SELENOV: variants seen among roughly 807,000 people sequenced by gnomAD.
The protein encoded by SELENOV is selenoprotein V.
Under a neutral mutation model 21.6 loss-of-function variants are expected in SELENOV, and 25 were observed. The observed-to-expected ratio is 1.16, with a 90% CI of 0.84 to 1.62. SELENOV has a LOEUF of 1.62. Ranked by LOEUF, SELENOV falls within the 40% of genes most tolerant of loss-of-function variation. SELENOV has a pLI of 0.00. For synonymous variants in SELENOV, 227 were observed against 216.9 expected (o/e 1.05, Z -0.41); for missense variants, 472 against 459.0 (o/e 1.03, Z -0.26).
At chr19:39,516,205 A>T (rs759704978) in intron 1 of SELENOV, 184 bp downstream of exon 1, 4 of 706,812 alleles carry the variant, frequency 5.7e-6, no homozygotes, top group Non-Finnish European at 1.0e-5. Context: ...GGGGCAGGAG[A>T]GCTTCAGGTT....
At chr19:39,519,212 G>T in intron 5 of SELENOV, 42 bp downstream of exon 5, 1 of 1,406,744 alleles carries the variant, frequency 7.1e-7, no homozygotes, top group Non-Finnish European at 1.0e-6. Flanking sequence ...AGGGGTGGAG[G>T]CCGGGTAGGA....
chr19:39,517,914 G>A (rs1395748471), intron 1 of SELENOV, among the ~76,000 whole-genome samples: 3 of 133,734 alleles, frequency 2.2e-5, no homozygotes, highest in African/African-American at 5.6e-5. Flanking sequence ...GCAGTGAGCC[G>A]AGATCGCACC....
intron 3 of SELENOV, 41 bp from the exon 4 acceptor site, chr19:39,518,862 G>C: frequency 6.2e-7 from 1 of 1,613,090 alleles, no homozygotes; most frequent in Non-Finnish European, 8.5e-7. Context: ...GGGCTTGGAG[G>C]AGAGAGCTTA....
In SELENOV at chr19:39,516,856, C is replaced by G. The variant is rs35805625; in HGVS notation, c.809+835C>G. 1.9e-3 allele frequency among the ~76,000 whole-genome samples: 286 copies of G among 148,224 alleles called. 1 individual carries two copies. The highest frequency in any genetic ancestry group is 3.1e-3 in the Non-Finnish European group (203 of 66,348). ...AACCACAGGCATGTGCCACCACGCC[C>G]GGCTAATTTTGTATTTTTTTTTAGT... On this transcript the variant is annotated intron_variant, in intron 1 of 5. Transcript: ENST00000335426.
At chr19:39,519,038 G>A (rs2079714874) in intron 4 of SELENOV, 33 bp from the exon 5 acceptor site, 10 of 1,613,248 alleles carry the variant, frequency 6.2e-6, no homozygotes, top group Non-Finnish European at 8.5e-6. Context: ...CTGGGGGTGG[G>A]AGACCTGTGT....
At position 39,515,412 on chromosome 19, in the gene SELENOV, C is replaced by T. The variant is rs1299985102; in HGVS notation, c.200C>T (p.Ala67Val). The T allele has an allele frequency of 1.9e-6, 3 of 1,551,608 alleles. No homozygotes were observed. Among genetic ancestry groups the T allele is most frequent in the Non-Finnish European group, 2.6e-6 (3 of 1,146,940 alleles). ...CCTCTGGTCCTGACTCCTGCTCCAGCCCAGATTCCCACTCTGGTCCCCACT... is the reference window on the plus strand; with the variant it reads ...CCTCTGGTCCTGACTCCTGCTCCAGTCCAGATTCCCACTCTGGTCCCCACT... The change falls in exon 1 of 6, where the codon GCC becomes GTC. Residue 67 changes from alanine (A) to valine (V), a missense_variant. Ala to Val is a moderately conservative substitution (Grantham distance 64, BLOSUM62 0). Coordinates refer to ENST00000335426, the Ensembl canonical transcript of SELENOV. The surrounding 1 kb of genome is among the most constrained non-coding windows in gnomAD (Gnocchi z 5.1).
exon 4 of SELENOV, chr19:39,518,961 T>A: frequency 6.2e-7 from 1 of 1,613,760 alleles, no homozygotes; most frequent in Non-Finnish European, 8.5e-7. Flanking sequence ...AACGGGAGAC[T>A]GGTCCATTCC....
intron 1 of SELENOV, among the ~76,000 whole-genome samples, chr19:39,517,559 G>A (rs1345610692): frequency 6.6e-6 from 1 of 152,166 alleles, no homozygotes; most frequent in Non-Finnish European, 1.5e-5. Context: ...GGGGGTATAT[G>A]AGCGAAGCCC....
intron 1 of SELENOV, among the ~76,000 whole-genome samples, chr19:39,518,278 CAAAAAAACAAAAAAACA>C (rs1203759436): frequency 2.1e-5 from 1 of 47,078 alleles, no homozygotes; most frequent in East Asian, 5.0e-4. Flanking sequence ...CTCAAAAAAA[CAAAAAAACAAAAAAACA>C]AAAAAAAAAG....
rs1316302890 is a variant in SELENOV at position 39,518,599 on chromosome 19, G to T, written c.810-9G>T. The T allele has an allele frequency of 9.4e-6, 15 of 1,598,308 alleles. No individual in the cohort carries two copies. Among genetic ancestry groups the T allele is most frequent in the Non-Finnish European group, 1.3e-5 (15 of 1,171,416 alleles). Reference sequence around the variant, plus strand: ...CTCTTAACTTTCTCCTCCTGCTCTTGGCCTCCAGTGGCCTCTGAAGCTATA... The same window carrying T: ...CTCTTAACTTTCTCCTCCTGCTCTTTGCCTCCAGTGGCCTCTGAAGCTATA... On this transcript the variant is annotated splice_polypyrimidine_tract_variant and intron_variant, in intron 1 of 5. Transcript: ENST00000335426.
At position 39,516,911 on chromosome 19, in the gene SELENOV, C is replaced by A. The variant is rs2079699984; in HGVS notation, c.809+890C>A. Among the ~76,000 whole-genome samples, 3 of 151,908 alleles carry A rather than the reference C, an allele frequency of 2.0e-5. 1 individual carries two copies. Among genetic ancestry groups the A allele is most frequent in the South Asian group, 4.2e-4 (2 of 4,812 alleles). The stretch of plus-strand genomic sequence containing the variant: ...ACGGGGTTTCACCATGTTGGCCAGG[C>A]TGGTCTCGATCTTCTGACCTCGTGA... On this transcript the variant is annotated intron_variant, in intron 1 of 5. Coordinates refer to ENST00000335426, the Ensembl canonical transcript of SELENOV.
In SELENOV at chr19:39,515,527, C is replaced by G; in HGVS notation, c.315C>G (p.Asn105Lys). ...TGCCGACTCCCGTTCCCGTCCGGAA[C>G]CCAACTCCGGTCCCGACTCCGGCTC... is the stretch of plus-strand genomic sequence containing the variant. Residue 105 changes from asparagine to lysine, a missense_variant, in exon 1 of 6, where the codon AAC (asparagine) becomes AAG (lysine). Physicochemically the swap from Asn to Lys is moderately conservative, Grantham distance 94. Coordinates refer to ENST00000335426, the Ensembl canonical transcript of SELENOV. This position sits in a 1 kb window ranked among gnomAD's most constrained non-coding sequence, Gnocchi z 5.1. 6.4e-7 allele frequency: 1 copy of G among 1,550,824 alleles called. No individual in the cohort carries two copies. Among genetic ancestry groups the G allele is most frequent in the Non-Finnish European group, 8.7e-7 (1 of 1,146,914 alleles).
chr19:39,515,225 G>T lies in SELENOV; in HGVS notation c.13G>T (p.Ala5Ser). 6.5e-7 allele frequency: 1 copy of T among 1,548,682 alleles called. No individual in the cohort carries two copies. ...CCCCCTGGGCCCCATGAATAACCAGGCGCGGACCCCAGCCCCCTCCTCGGC... is the reference window on the plus strand; with the variant it reads ...CCCCCTGGGCCCCATGAATAACCAGTCGCGGACCCCAGCCCCCTCCTCGGC... Residue 5 changes from alanine (A) to serine (S), a missense_variant, in exon 1 of 6, where the codon GCG becomes TCG. Coordinates refer to ENST00000335426, the Ensembl canonical transcript of SELENOV. This position sits in a 1 kb window ranked among gnomAD's most constrained non-coding sequence, Gnocchi z 5.1.
exon 4 of SELENOV, chr19:39,518,954 G>A (rs1002971551): frequency 6.2e-6 from 10 of 1,613,688 alleles, no homozygotes; most frequent in African/African-American, 2.7e-5. Flanking sequence ...GTTTGTGAAC[G>A]GGAGACTGGT....
intron 5 of SELENOV, 55 bp from the exon 6 acceptor site, chr19:39,520,091 T>C (rs769152119): frequency 3.9e-5 from 6 of 152,652 alleles, no homozygotes; most frequent in Non-Finnish European, 8.8e-5. Flanking sequence ...TATTTTTATA[T>C]GGAGCTGTCA....
exon 6 of SELENOV, chr19:39,520,383 G>A (rs1414401751): frequency 1.3e-5 from 2 of 152,310 alleles, no homozygotes; most frequent in East Asian, 3.8e-4. Context: ...GGCTAGTCCT[G>A]TAGCTCCAGT....
rs1366474448 is a variant in SELENOV, at chr19:39,516,106, G to A, written c.809+85G>A. The A allele has an allele frequency of 5.7e-6, 7 of 1,230,708 alleles. No homozygotes were observed. In the South Asian group the frequency reaches 7.8e-5, roughly 14 times the overall value. 76.2% of individuals were successfully genotyped at this position (1,230,708 alleles called of 1,614,324 possible). On this transcript the variant is annotated intron_variant, in intron 1 of 5. Coordinates refer to ENST00000335426, the Ensembl canonical transcript of SELENOV. The stretch of plus-strand genomic sequence containing the variant: ...GGTCTCCGGGGACGTGGAGGTCAGG[G>A]TTGGGGTAGGGCGAGGGGAGGGATT...
Position 39,515,584 on chromosome 19 carries a change from C to A in SELENOV, c.372C>A (p.Ala124=), listed in dbSNP as rs2079691422. 1 of 1,548,922 alleles carries A rather than the reference C, an allele frequency of 6.5e-7. No individual in the cohort carries two copies. Among genetic ancestry groups the A allele is most frequent in the Admixed American group, 2.0e-5 (1 of 50,968 alleles). ...TGACTCCTCCAGTCCGGGTCCCAGC[C>A]CCAGCCCCAGCCCAGCTCCTGGCAG... Residue 124 remains alanine (A), a synonymous_variant, in exon 1 of 6, where the codon GCC becomes GCA. Coordinates refer to ENST00000335426, the Ensembl canonical transcript of SELENOV. The surrounding 1 kb of genome is among the most constrained non-coding windows in gnomAD (Gnocchi z 5.1).
intron 1 of SELENOV, among the ~76,000 whole-genome samples, chr19:39,518,278 C>CAAA (rs1198367446): frequency 4.2e-5 from 2 of 47,078 alleles, no homozygotes; most frequent in African/African-American, 1.3e-4. Flanking sequence ...CTCAAAAAAA[C>CAAA]AAAAAAACAA....
Sources: allele counts gnomAD v4.1 joint callset (sites outside exome capture counted in the v4.1 genomes callset), GRCh38; gene constraint gnomAD v4.1.1; non-coding constraint Gnocchi (gnomAD v3.1); transcripts MANE v1.5; gene names NCBI Gene and HGNC (gene_info 2026-07-23, HGNC 2026-07-21).